The following GPHN variants were observed in gnomAD, a reference collection of about 807,000 sequenced individuals.
GPHN encodes the protein gephyrin.
In GPHN, 17 loss-of-function variants were observed where a neutral mutation model predicts 95.5. The observed-to-expected ratio is 0.18, with a 90% CI of 0.12 to 0.27. GPHN has a LOEUF of 0.27. GPHN is among the 10% of genes least tolerant of loss of function. The pLI is 1.00. For synonymous variants in GPHN, 320 were observed against 322.5 expected (o/e 0.99, Z 0.08); for missense variants, 660 against 978.1 (o/e 0.67, Z 4.34).
At chr14:67,385,658 C>CTTTTTTTT in the GPHN span, 6 of 107,630 alleles carry the variant, frequency 5.6e-5, no homozygotes, top group African/African-American at 1.2e-4. Context: ...CCACTTTTTT[C>CTTTTTTTT]TTTTTTTTTT....
the GPHN span, chr14:67,573,418 A>G: frequency 2.4e-6 from 3 of 1,275,718 alleles, no homozygotes; most frequent in East Asian, 6.9e-5. The surrounding 1 kb of genome is among the most constrained non-coding windows in gnomAD (Gnocchi z 4.8). Flanking sequence ...ACTGCAGTCA[A>G]AAGGTCTCCA....
At chr14:67,259,159 A>T in the GPHN span, among the ~76,000 whole-genome samples, 1 of 151,780 alleles carries the variant, frequency 6.6e-6, no homozygotes, top group Non-Finnish European at 1.5e-5. Context: ...AACTTTTAAC[A>T]TTGTCATAAA....
At chr14:67,211,849 T>G in the GPHN span, among the ~76,000 whole-genome samples, 1 of 152,026 alleles carries the variant, frequency 6.6e-6, no homozygotes, top group Non-Finnish European at 1.5e-5. Flanking sequence ...GACTCTTAAA[T>G]AAATAAATAC....
At chr14:66,675,977 C>G (rs954701166) in intron 1 of GPHN, among the ~76,000 whole-genome samples, 1 of 151,916 alleles carries the variant, frequency 6.6e-6, no homozygotes, top group African/African-American at 2.4e-5. Context: ...TGCAACTTTA[C>G]TGAATTTGTT....
At chr14:66,596,636 A>G (rs1285655053) in intron 1 of GPHN, among the ~76,000 whole-genome samples, 1 of 152,158 alleles carries the variant, frequency 6.6e-6, no homozygotes, top group Non-Finnish European at 1.5e-5. Flanking sequence ...TTGCTTCAAA[A>G]TTGGAGCGGG....
chr14:66,513,752 T>C (rs1483891809), intron 1 of GPHN, among the ~76,000 whole-genome samples: 1 of 151,836 alleles, frequency 6.6e-6, no homozygotes, highest in Non-Finnish European at 1.5e-5. Flanking sequence ...TTGAGTGACC[T>C]CTCAAAAAGG....
At chr14:67,577,585 G>A in the GPHN span, among the ~76,000 whole-genome samples, 8 of 152,214 alleles carry the variant, frequency 5.3e-5, no homozygotes, top group Non-Finnish European at 1.2e-4. Context: ...GTCACTGGGA[G>A]GGAAGCAGCT....
At chr14:67,726,555 C>T in the GPHN span, among the ~76,000 whole-genome samples, 22 of 152,172 alleles carry the variant, frequency 1.4e-4, no homozygotes, top group Non-Finnish European at 2.8e-4. Context: ...AACTTGAGTA[C>T]GAGGCAGGGT....
chr14:66,914,871 A>G (rs1233069316), intron 5 of GPHN, among the ~76,000 whole-genome samples: 3 of 152,126 alleles, frequency 2.0e-5, no homozygotes, highest in Non-Finnish European at 4.4e-5. Context: ...AGAACTATAT[A>G]ATTACCCAGT....
At chr14:67,642,635 T>G in the GPHN span, among the ~76,000 whole-genome samples, 10 of 152,132 alleles carry the variant, frequency 6.6e-5, no homozygotes, top group African/African-American at 2.4e-4. Context: ...TCCTAGGCAC[T>G]GTGTTAACAT....
At chr14:67,538,279 T>C in the GPHN span, among the ~76,000 whole-genome samples, 1 of 152,180 alleles carries the variant, frequency 6.6e-6, no homozygotes, top group Admixed American at 6.5e-5. Flanking sequence ...ATTGTAGATA[T>C]TGGGAGATCA....
At chr14:67,338,784 G>A in the GPHN span, 2 of 1,590,266 alleles carry the variant, frequency 1.3e-6, no homozygotes, top group South Asian at 2.3e-5. Context: ...AGGTGGGGGT[G>A]GATTTTTTAA....
the GPHN span, chr14:67,340,562 CT>C: frequency 6.6e-7 from 1 of 1,516,710 alleles, no homozygotes. Flanking sequence ...CTTCAAACCC[CT>C]TTTTTCAAAT....
intron 1 of GPHN, among the ~76,000 whole-genome samples, chr14:66,674,408 T>C (rs1395056834): frequency 6.6e-6 from 1 of 152,064 alleles, no homozygotes; most frequent in Non-Finnish European, 1.5e-5. Context: ...TTACTCCTAT[T>C]ATCTACCTTT....
At chr14:66,662,707 G>A (rs1283498401) in intron 1 of GPHN, among the ~76,000 whole-genome samples, 1 of 152,240 alleles carries the variant, frequency 6.6e-6, no homozygotes, top group African/African-American at 2.4e-5. Context: ...CTAACTCAAT[G>A]CAGGAAGCTA....
At position 66,578,371 on chromosome 14, in the gene GPHN, CAGAG is replaced by C. The variant is rs1292354794; in HGVS notation, c.64+69786_64+69789del. ...CATTATAGGAGTTCCAGAAGGAACA[CAGAG>C]AGAGAAAGGAGTAGTGAATGTATTT... On this transcript the variant is annotated intron_variant, in intron 1 of 22. Transcript: ENST00000478722. Among the ~76,000 whole-genome samples the C allele has an allele frequency of 1.1e-4, 16 of 151,494 alleles. No homozygotes were observed. In the South Asian group the frequency reaches 3.3e-3, roughly 32 times the overall value.
chr14:67,536,296 A>G, the GPHN span, among the ~76,000 whole-genome samples: 3 of 151,760 alleles, frequency 2.0e-5, no homozygotes, highest in Non-Finnish European at 4.4e-5. Context: ...GTGTACACTC[A>G]CACCCTTCTC....
At chr14:67,579,450 G>A in the GPHN span, 1 of 757,406 alleles carries the variant, frequency 1.3e-6, no homozygotes, top group Non-Finnish European at 2.1e-6. Context: ...TGCATGAACA[G>A]GGAAGCTGAG....
intron 3 of GPHN, among the ~76,000 whole-genome samples, chr14:66,777,518 C>G (rs1463062500): frequency 6.6e-6 from 1 of 151,754 alleles, no homozygotes; most frequent in East Asian, 1.9e-4. Flanking sequence ...GAGACACAAC[C>G]AAAAAAGAGA....
Sources: allele counts gnomAD v4.1 joint callset (sites outside exome capture counted in the v4.1 genomes callset), GRCh38; gene constraint gnomAD v4.1.1; non-coding constraint Gnocchi (gnomAD v3.1); transcripts MANE v1.5; gene names NCBI Gene and HGNC (gene_info 2026-07-23, HGNC 2026-07-21).